Variants in ACCSL observed in about 807,000 individuals in gnomAD.
ACCSL encodes 1-aminocyclopropane-1-carboxylate synthase homolog (inactive) like.
In ACCSL, 55 loss-of-function variants were observed where a neutral mutation model predicts 61.7. The ratio of observed to expected loss-of-function variants is 0.89; its 90% confidence interval spans 0.72 to 1.12. ACCSL has a LOEUF of 1.12. ACCSL is among the 50% of genes most tolerant of loss of function. ACCSL has a pLI of 0.00. For synonymous variants in ACCSL, 258 were observed against 264.3 expected, an observed-to-expected ratio of 0.98 and a Z score of 0.23; for missense variants, 632 against 698.0, an observed-to-expected ratio of 0.91 and a Z score of 1.07.
intron 9 of ACCSL, among the ~76,000 whole-genome samples, chr11:44,055,699 A>G (rs1952667013): frequency 6.6e-6 from 1 of 152,246 alleles, no homozygotes; most frequent in Non-Finnish European, 1.5e-5. Flanking sequence ...CCAAAGGTGG[A>G]GCAGTAGGAA....
At chr11:44,059,086 C>G (rs1255218750) in intron 13 of ACCSL, among the ~76,000 whole-genome samples, 1 of 152,048 alleles carries the variant, frequency 6.6e-6, no homozygotes, top group African/African-American at 2.4e-5. Context: ...ACTAAAAATA[C>G]AAAAAATTAG....
chr11:44,002,753 C>A, the ACCSL span, among the ~76,000 whole-genome samples: 1 of 152,170 alleles, frequency 6.6e-6, no homozygotes, highest in African/African-American at 2.4e-5. Context: ...GCCTCAGAAT[C>A]CTTACCGGTA....
chr11:43,979,589 T>C, the ACCSL span, among the ~76,000 whole-genome samples: 3 of 152,134 alleles, frequency 2.0e-5, no homozygotes, highest in Admixed American at 6.5e-5. Context: ...TAAGTCTCTG[T>C]CGTGGCAAGC....
the ACCSL span, among the ~76,000 whole-genome samples, chr11:43,999,731 T>C: frequency 1.3e-5 from 2 of 152,102 alleles, no homozygotes; most frequent in African/African-American, 4.8e-5. Flanking sequence ...GGGGGTGGGA[T>C]AATCGGAGGC....
At chr11:43,942,861 G>T in the ACCSL span, 543 of 1,238,690 alleles carry the variant, frequency 4.4e-4, 2 homozygotes, top group African/African-American at 8.0e-3. Flanking sequence ...CCCTCGGAGA[G>T]CCCCGGCGCC....
At chr11:43,943,582 C>T in the ACCSL span, 1 of 1,311,364 alleles carries the variant, frequency 7.6e-7, no homozygotes, top group African/African-American at 1.5e-5. The surrounding 1 kb of genome is among the most constrained non-coding windows in gnomAD (Gnocchi z 4.8). Flanking sequence ...GAGTCGGCGG[C>T]GGGTAGCCAC....
the ACCSL span, among the ~76,000 whole-genome samples, chr11:43,975,837 G>A: frequency 1.3e-5 from 2 of 152,194 alleles, no homozygotes; most frequent in African/African-American, 2.4e-5. Context: ...GTGTGGCCAA[G>A]AGCCATGGAG....
the ACCSL span, among the ~76,000 whole-genome samples, chr11:44,024,473 G>T: frequency 1.4e-5 from 2 of 144,778 alleles, no homozygotes; most frequent in South Asian, 4.3e-4. Flanking sequence ...GTGTGTGTGT[G>T]TGTGTGTGTG....
chr11:43,989,277 G>A, the ACCSL span, among the ~76,000 whole-genome samples: 1 of 152,172 alleles, frequency 6.6e-6, no homozygotes, highest in African/African-American at 2.4e-5. Context: ...ATCTGGCCTG[G>A]CAATGATGCC....
the ACCSL span, among the ~76,000 whole-genome samples, chr11:44,003,826 T>A: frequency 6.6e-6 from 1 of 152,170 alleles, no homozygotes; most frequent in Non-Finnish European, 1.5e-5. Context: ...CTGACCTGAC[T>A]GCTGCCCGGG....
the ACCSL span, among the ~76,000 whole-genome samples, chr11:44,003,599 C>T: frequency 7.3e-5 from 11 of 151,088 alleles, no homozygotes; most frequent in South Asian, 6.3e-4. Context: ...GCTGAGATCG[C>T]GCCACTACAC....
the ACCSL span, among the ~76,000 whole-genome samples, chr11:43,950,825 T>G: frequency 6.6e-6 from 1 of 152,236 alleles, no homozygotes; most frequent in Non-Finnish European, 1.5e-5. Flanking sequence ...TGCACACTTC[T>G]GTATTCTCTG....
At chr11:44,029,307 AT>A in the ACCSL span, among the ~76,000 whole-genome samples, 1 of 152,228 alleles carries the variant, frequency 6.6e-6, no homozygotes, top group African/African-American at 2.4e-5. Flanking sequence ...TTCCTTCAAC[AT>A]GAGAAGCCTC....
At chr11:44,045,861 C>T (rs988929941), upstream of ACCSL, among the ~76,000 whole-genome samples, 1 of 152,188 alleles carries the variant, frequency 6.6e-6, no homozygotes, top group Non-Finnish European at 1.5e-5. Flanking sequence ...GTTAAGGTGA[C>T]ACAGGGCAAA....
the ACCSL span, chr11:43,945,125 C>G: frequency 1.2e-4 from 18 of 152,376 alleles, no homozygotes; most frequent in South Asian, 3.5e-3. Context: ...GCCTTGGTGG[C>G]TGTAGTATTT....
the ACCSL span, among the ~76,000 whole-genome samples, chr11:43,921,524 A>G: frequency 3.3e-5 from 5 of 152,228 alleles, no homozygotes; most frequent in African/African-American, 7.2e-5. Flanking sequence ...CTGTTCTCCT[A>G]TTAATGCAAA....
chr11:43,973,479 T>G, the ACCSL span, among the ~76,000 whole-genome samples: 1 of 152,136 alleles, frequency 6.6e-6, no homozygotes, highest in Non-Finnish European at 1.5e-5. Context: ...AAAAGAAACC[T>G]TAGTACATGT....
the ACCSL span, among the ~76,000 whole-genome samples, chr11:44,030,366 ACAGACGTC>A: frequency 6.6e-6 from 1 of 151,182 alleles, no homozygotes; most frequent in Admixed American, 6.6e-5. Context: ...TCTCATGGAC[ACAGACGTC>A]CAGAAGCCTA....
the ACCSL span, among the ~76,000 whole-genome samples, chr11:43,937,157 A>G: frequency 6.6e-6 from 1 of 152,074 alleles, no homozygotes; most frequent in Non-Finnish European, 1.5e-5. Flanking sequence ...GGAGCCGTGG[A>G]AGCAGGGCAC....
Sources: allele counts gnomAD v4.1 joint callset (sites outside exome capture counted in the v4.1 genomes callset), GRCh38; gene constraint gnomAD v4.1.1; non-coding constraint Gnocchi (gnomAD v3.1); transcripts MANE v1.5; gene names NCBI Gene and HGNC (gene_info 2026-07-23, HGNC 2026-07-21).